Variants in WDR64 observed in about 807,000 individuals in gnomAD.
The protein encoded by WDR64 is WD repeat-containing protein 64.
A neutral mutation model predicts 139.3 loss-of-function variants in WDR64; 112 were observed. The ratio of observed to expected loss-of-function variants is 0.80; its 90% CI spans 0.69 to 0.94. The LOEUF (loss-of-function observed/expected upper bound fraction) is 0.94, where lower values mean the gene tolerates loss of function less well. WDR64 is among the 40% of genes least tolerant of loss of function. The probability of loss-of-function intolerance (pLI) is 0.00; values close to 1 mark genes in which losing one functional copy is unlikely to be tolerated. For synonymous variants in WDR64, 444 were observed against 437.7 expected (o/e 1.01, Z -0.18); for missense variants, 1,206 against 1,293.1 (o/e 0.93, Z 1.03).
intron 17 of WDR64, among the ~76,000 whole-genome samples, chr1:241,769,916 C>G (rs1222989837): frequency 1.3e-5 from 2 of 152,186 alleles, no homozygotes; most frequent in Non-Finnish European, 2.9e-5. Context: ...ATCCACCATC[C>G]ACTATAACTG....
intron 9 of WDR64, among the ~76,000 whole-genome samples, chr1:241,715,261 C>T (rs1231789512): frequency 6.6e-6 from 1 of 152,188 alleles, no homozygotes; most frequent in Non-Finnish European, 1.5e-5. Context: ...GATCTCCATA[C>T]TGAAGTCTAG....
At chr1:241,712,243 T>C (rs1381182156) in intron 9 of WDR64, among the ~76,000 whole-genome samples, 1 of 152,198 alleles carries the variant, frequency 6.6e-6, no homozygotes, top group African/African-American at 2.4e-5. Flanking sequence ...TGTGCCTTTT[T>C]CTGGAGAAAA....
chr1:241,706,449 A>G (rs1362955543), intron 8 of WDR64, among the ~76,000 whole-genome samples: 1 of 152,252 alleles, frequency 6.6e-6, no homozygotes, highest in Non-Finnish European at 1.5e-5. Flanking sequence ...CCAAGCAGCT[A>G]TGGTGACAAA....
intron 22 of WDR64, 125 bp from the exon 23 acceptor site, chr1:241,783,147 A>T: frequency 1.2e-6 from 1 of 804,478 alleles, no homozygotes; most frequent in South Asian, 1.6e-5. Flanking sequence ...GGACTTAATC[A>T]TCTAGCACAG....
chr1:241,720,695 A>G (rs1346986531), intron 9 of WDR64, among the ~76,000 whole-genome samples: 1 of 152,128 alleles, frequency 6.6e-6, no homozygotes, highest in Non-Finnish European at 1.5e-5. Context: ...GACTCTGGAT[A>G]TTAGATGTTA....
chr1:241,778,762 C>A (rs2148312647), intron 21 of WDR64, among the ~76,000 whole-genome samples: 1 of 152,166 alleles, frequency 6.6e-6, no homozygotes, highest in East Asian at 1.9e-4. Context: ...TAATATTATG[C>A]CACTTTGTAT....
intron 20 of WDR64, among the ~76,000 whole-genome samples, chr1:241,774,532 T>C (rs1658577186): frequency 6.6e-6 from 1 of 152,176 alleles, no homozygotes; most frequent in Admixed American, 6.5e-5. Flanking sequence ...CGTGTTAAAG[T>C]CTTTCCCAGT....
At chr1:241,764,809 A>G (rs940835347) in intron 15 of WDR64, among the ~76,000 whole-genome samples, 2 of 152,250 alleles carry the variant, frequency 1.3e-5, no homozygotes. Flanking sequence ...AGAGGAGGGC[A>G]CTGAAAGAAA....
chr1:241,656,526 G>A lies in WDR64; in HGVS notation c.145+3897G>A, dbSNP rs1210537606. ...CTAAGGAACTGTTCAGATGCCTCAT[G>A]AGAATTTCTGACTCAATATTACCAA... On this transcript the variant is annotated intron_variant, in intron 1 of 27. Coordinates refer to ENST00000437684, the MANE Select transcript of WDR64 (RefSeq NM_001367482.1). The surrounding 1 kb of genome is among the most constrained non-coding windows in gnomAD (Gnocchi z 4.3). Among the ~76,000 whole-genome samples, 1 of 152,174 alleles carries A rather than the reference G, an allele frequency of 6.6e-6. No homozygotes were observed. The highest frequency in any genetic ancestry group is 1.5e-5 in the Non-Finnish European group (1 of 68,042).
intron 8 of WDR64, among the ~76,000 whole-genome samples, chr1:241,689,999 G>T (rs1453941308): frequency 6.6e-6 from 1 of 151,974 alleles, no homozygotes; most frequent in Non-Finnish European, 1.5e-5. Context: ...GAGAACACCA[G>T]AAGAAGAAAG....
At chr1:241,660,470 GA>G (rs1259887545) in intron 1 of WDR64, 59 bp from the exon 2 acceptor site, 1 of 1,515,538 alleles carries the variant, frequency 6.6e-7, no homozygotes, top group African/African-American at 1.4e-5. Flanking sequence ...AAATGTAGCT[GA>G]AATACAAAAG....
In WDR64 at chr1:241,729,523, T is replaced by G. The variant is rs560936848; in HGVS notation, c.1194+6087T>G. 2.0e-4 allele frequency among the ~76,000 whole-genome samples: 30 copies of G among 152,324 alleles called. No individual in the cohort carries two copies. In the South Asian group the frequency reaches 6.2e-3, roughly 32 times the overall value. ...TTCAGCTTTGTTTGGCTTCAGAAATTCCAAGCCTTACCAAATTCTTCTCCA... is the reference window on the plus strand; with the variant it reads ...TTCAGCTTTGTTTGGCTTCAGAAATGCCAAGCCTTACCAAATTCTTCTCCA... On this transcript the variant is annotated intron_variant, in intron 10 of 27. Coordinates refer to ENST00000437684, the MANE Select transcript of WDR64 (RefSeq NM_001367482.1).
At chr1:241,779,217 TAAG>T (rs1658762788) in intron 21 of WDR64, among the ~76,000 whole-genome samples, 1 of 152,222 alleles carries the variant, frequency 6.6e-6, no homozygotes, top group Non-Finnish European at 1.5e-5. Context: ...TTGCTTTTGA[TAAG>T]AAGTTTGATG....
At position 241,711,857 on chromosome 1, in the gene WDR64, A is replaced by G. The variant is rs1668182183; in HGVS notation, c.1030A>G (p.Lys344Glu). ...RGANTFCYCV[K>E]ANVIVTGGDD... ...AGCCAACACTTTTTGCTACTGTGTT[A>G]AGGCAAATGTGATTGTCACTGGAGG... Residue 344 changes from lysine to glutamate, a missense_variant, in exon 9 of 28, where the codon AAG becomes GAG. Physicochemically the swap from Lys to Glu is moderately conservative, Grantham distance 56 (BLOSUM62 1). Transcript: ENST00000437684. 1.2e-6 allele frequency: 2 copies of G among 1,614,190 alleles called. No homozygotes were observed. Among genetic ancestry groups the G allele is most frequent in the South Asian group, 2.2e-5 (2 of 91,080 alleles).
chr1:241,785,322 C>T (rs913550020), intron 23 of WDR64, among the ~76,000 whole-genome samples: 3 of 152,288 alleles, frequency 2.0e-5, no homozygotes, highest in Non-Finnish European at 2.9e-5. Flanking sequence ...GCAGATTCAG[C>T]GTCTACTGAG....
At chr1:241,752,389 A>G (rs1670012854) in intron 14 of WDR64, among the ~76,000 whole-genome samples, 1 of 152,024 alleles carries the variant, frequency 6.6e-6, no homozygotes, top group South Asian at 2.1e-4. Flanking sequence ...ATGGTAGTAG[A>G]GTTTCCCATC....
At chr1:241,671,705 G>A (rs1299211668) in intron 3 of WDR64, among the ~76,000 whole-genome samples, 2 of 152,018 alleles carry the variant, frequency 1.3e-5, no homozygotes, top group Non-Finnish European at 2.9e-5. Context: ...TTTGAGCCTG[G>A]GACCCAGGAC....
intron 23 of WDR64, among the ~76,000 whole-genome samples, chr1:241,785,912 G>A: frequency 6.6e-6 from 1 of 152,198 alleles, no homozygotes; most frequent in East Asian, 1.9e-4. Flanking sequence ...TGAGGCCCAG[G>A]AAATCAAGCT....
intron 1 of WDR64, among the ~76,000 whole-genome samples, chr1:241,652,856 G>A (rs908184335): frequency 6.6e-6 from 1 of 152,050 alleles, no homozygotes; most frequent in Non-Finnish European, 1.5e-5. Flanking sequence ...TTACTTCTCT[G>A]AACCGAAGTT....
Sources: gnomAD v4.1 joint callset for allele counts (sites outside exome capture counted in the v4.1 genomes callset) on GRCh38, gnomAD v4.1.1 for gene constraint, Gnocchi (gnomAD v3.1) non-coding constraint, MANE v1.5 for transcripts, NCBI Gene and HGNC (gene_info 2026-07-23, HGNC 2026-07-21) for gene names.